The following TMPRSS11A variants were observed in gnomAD, a reference collection of about 807,000 sequenced individuals.
TMPRSS11A encodes the protein transmembrane protease serine 11A.
A neutral mutation model predicts 58.9 loss-of-function variants in TMPRSS11A; 53 were observed. The ratio of observed to expected loss-of-function variants is 0.90; its 90% CI spans 0.72 to 1.13. The LOEUF (loss-of-function observed/expected upper bound fraction) is 1.13. Ranked by LOEUF, TMPRSS11A falls within the 50% of genes most tolerant of loss-of-function variation. TMPRSS11A has a pLI of 0.00. For synonymous variants in TMPRSS11A, 167 were observed against 169.8 expected (o/e 0.98, Z 0.13); for missense variants, 493 against 499.3 (o/e 0.99, Z 0.12).
At position 67,960,221 on chromosome 4, in the gene TMPRSS11A, C is replaced by T. The variant is rs560904060; in HGVS notation, c.11+3162G>A. Among the ~76,000 whole-genome samples, 4 of 152,282 alleles carry T rather than the reference C, an allele frequency of 2.6e-5. No homozygotes were observed. In the South Asian group the frequency reaches 8.3e-4, roughly 32 times the overall value. On this transcript the variant is annotated intron_variant, in intron 1 of 9. Coordinates refer to ENST00000508048, the MANE Select transcript of TMPRSS11A (RefSeq NM_001114387.2). ...ATCTACCTATTGGGTGCTATGCCCA[C>T]TACCTGGGTGCAATATATCTATGTA...
intron 8 of TMPRSS11A, among the ~76,000 whole-genome samples, chr4:67,917,244 G>T (rs1010917027): frequency 6.6e-6 from 1 of 151,452 alleles, no homozygotes; most frequent in African/African-American, 2.4e-5. Flanking sequence ...CTTATAATAT[G>T]CATTTTCTAT....
rs1165587624 is a variant in TMPRSS11A at position 67,921,357 on chromosome 4, G to A, written c.692+1398C>T. ...AAATATATTACTATTTTTTTAAGAT[G>A]GGGTCTTGCATTGTCACTCAGGCTG... On this transcript the variant is annotated intron_variant, in intron 7 of 9. Coordinates refer to ENST00000508048, the MANE Select transcript of TMPRSS11A (RefSeq NM_001114387.2). 2.6e-5 allele frequency among the ~76,000 whole-genome samples: 4 copies of A among 152,070 alleles called. No homozygotes were observed. The East Asian group carries it at 7.7e-4, about 29-fold the overall frequency.
intron 1 of TMPRSS11A, among the ~76,000 whole-genome samples, chr4:67,961,457 C>A (rs1485328229): frequency 2.3e-5 from 3 of 133,186 alleles, no homozygotes; most frequent in African/African-American, 6.6e-5. Flanking sequence ...CCTTTCTTTT[C>A]TTTTCTTTCC....
At chr4:67,933,409 C>T (rs1480528366) in intron 3 of TMPRSS11A, among the ~76,000 whole-genome samples, 1 of 152,116 alleles carries the variant, frequency 6.6e-6, no homozygotes, top group African/African-American at 2.4e-5. Flanking sequence ...CACAACCACC[C>T]TGTTAAATGT....
intron 5 of TMPRSS11A, among the ~76,000 whole-genome samples, chr4:67,925,424 G>T: frequency 6.6e-6 from 1 of 152,166 alleles, no homozygotes; most frequent in East Asian, 1.9e-4. Flanking sequence ...CCAGTGCCAT[G>T]TTTCTCAGAC....
intron 8 of TMPRSS11A, 78 bp from the exon 9 acceptor site, chr4:67,914,808 A>G: frequency 4.0e-6 from 5 of 1,242,976 alleles, no homozygotes; most frequent in Non-Finnish European, 5.6e-6. Flanking sequence ...CTTTCCTAAT[A>G]TTTTTTTCAT....
At chr4:67,913,878 A>G (rs1720072196) in intron 9 of TMPRSS11A, among the ~76,000 whole-genome samples, 1 of 152,188 alleles carries the variant, frequency 6.6e-6, no homozygotes, top group African/African-American at 2.4e-5. Flanking sequence ...TAGAGTTCTA[A>G]AGTATCTCAT....
intron 8 of TMPRSS11A, among the ~76,000 whole-genome samples, chr4:67,918,000 CA>C (rs1221317810): frequency 5.9e-5 from 9 of 152,136 alleles, no homozygotes; most frequent in Admixed American, 5.2e-4. Context: ...CCACATGGGA[CA>C]TCTGGAAAAA....
Position 67,911,451 on chromosome 4 carries a change from A to G in TMPRSS11A, c.1148T>C (p.Leu383Pro). The G allele has an allele frequency of 6.2e-7, 1 of 1,613,538 alleles. No homozygotes were observed. The highest frequency in any genetic ancestry group is 1.1e-5 in the South Asian group (1 of 91,010). The change falls in exon 10 of 10, where the codon CTC becomes CCC. Residue 383 changes from leucine (L) to proline (P), a missense_variant. Physicochemically the swap from Leu to Pro is moderately conservative, Grantham distance 98. Transcript: ENST00000508048. ...VTRDLKDTWYLIGIVSWGDNC... is the reference protein window; with the variant it reads ...VTRDLKDTWYPIGIVSWGDNC... ...ATCTCCCCAGCTTACAATTCCAATG[A>G]GATACCACGTATCTTTCAGATCCCT...
At chr4:67,927,873 ATTGTG>A (rs1560566441) in intron 5 of TMPRSS11A, among the ~76,000 whole-genome samples, 1 of 152,124 alleles carries the variant, frequency 6.6e-6, no homozygotes, top group Non-Finnish European at 1.5e-5. Context: ...TTTATTTCAC[ATTGTG>A]TTTTCTATTT....
intron 5 of TMPRSS11A, among the ~76,000 whole-genome samples, chr4:67,927,258 C>A (rs1720498867): frequency 6.6e-6 from 1 of 152,196 alleles, no homozygotes; most frequent in Non-Finnish European, 1.5e-5. Context: ...AAAGCTGCAG[C>A]CCTTTAGGGA....
At chr4:67,920,527 T>TTATATATATATATATATATATATATA (rs1180319358) in intron 7 of TMPRSS11A, among the ~76,000 whole-genome samples, 5 of 132,714 alleles carry the variant, frequency 3.8e-5, no homozygotes, top group African/African-American at 1.4e-4. Context: ...AATGAGGTAA[T>TTATATATATATATATATATATATATA]TATATATATA....
chr4:67,916,170 A>G (rs1577850702), intron 8 of TMPRSS11A, among the ~76,000 whole-genome samples: 2 of 152,290 alleles, frequency 1.3e-5, no homozygotes, highest in Admixed American at 1.3e-4. Context: ...GTAAAATAAG[A>G]CGCTTCTTAG....
chr4:67,933,240 A>C (rs918954645), intron 3 of TMPRSS11A, among the ~76,000 whole-genome samples: 8 of 152,064 alleles, frequency 5.3e-5, no homozygotes, highest in African/African-American at 1.7e-4. Context: ...ATCTTCTTTA[A>C]CTCTAATGAC....
chr4:67,959,185 A>G (rs948147162), intron 1 of TMPRSS11A, among the ~76,000 whole-genome samples: 1 of 152,256 alleles, frequency 6.6e-6, no homozygotes, highest in Non-Finnish European at 1.5e-5. Flanking sequence ...ATAAGCACAT[A>G]TATTTCAATT....
chr4:67,941,344 G>A (rs1172897513), intron 3 of TMPRSS11A, among the ~76,000 whole-genome samples: 1 of 152,166 alleles, frequency 6.6e-6, no homozygotes, highest in Non-Finnish European at 1.5e-5. Context: ...CTAACCTGGT[G>A]CGGGATGGGA....
intron 5 of TMPRSS11A, among the ~76,000 whole-genome samples, chr4:67,924,973 CTTTT>C (rs11286541): frequency 1.2e-4 from 17 of 138,290 alleles, no homozygotes; most frequent in Non-Finnish European, 9.5e-5. Context: ...TCACATAAAT[CTTTT>C]TTTTTTTTTT....
intron 7 of TMPRSS11A, 150 bp downstream of exon 7, chr4:67,922,605 G>T: frequency 2.9e-6 from 2 of 699,020 alleles, no homozygotes; most frequent in Non-Finnish European, 4.6e-6. Context: ...GATTAAGTAT[G>T]CAAGTGTAAC....
intron 1 of TMPRSS11A, among the ~76,000 whole-genome samples, chr4:67,950,542 C>A (rs1335228585): frequency 6.6e-6 from 1 of 152,180 alleles, no homozygotes; most frequent in East Asian, 1.9e-4. Context: ...GCAAAATTTC[C>A]TCACAGCAGC....
Sources: gnomAD v4.1 joint callset for allele counts (sites outside exome capture counted in the v4.1 genomes callset) on GRCh38, gnomAD v4.1.1 for gene constraint, MANE v1.5 for transcripts, NCBI Gene and HGNC (gene_info 2026-07-23, HGNC 2026-07-21) for gene names.